The following APIP variants were observed in gnomAD, a reference collection of about 807,000 sequenced individuals.
The protein encoded by APIP is APAF1 interacting protein.
In APIP, 32 loss-of-function variants were observed where a neutral mutation model predicts 32.0. That is an observed-to-expected ratio of 1.00 (90% CI 0.76 to 1.34). APIP has a LOEUF of 1.34. Ranked by LOEUF, APIP falls within the 40% of genes most tolerant of loss-of-function variation. The pLI, the probability that APIP is intolerant of heterozygous loss-of-function variation, is 0.00. For missense variants in APIP, 247 were observed against 298.6 expected, an observed-to-expected ratio of 0.83 and a Z score of 1.27; for synonymous variants, 92 against 94.8, an observed-to-expected ratio of 0.97 and a Z score of 0.17.
intron 1 of APIP, among the ~76,000 whole-genome samples, chr11:34,903,973 G>T (rs1258336113): frequency 6.6e-6 from 1 of 152,136 alleles, no homozygotes; most frequent in East Asian, 1.9e-4. Context: ...ACCAAAAACA[G>T]TCAAGCAAGT....
At chr11:34,910,866 A>G (rs1565140800) in intron 1 of APIP, among the ~76,000 whole-genome samples, 2 of 152,126 alleles carry the variant, frequency 1.3e-5, no homozygotes, top group Non-Finnish European at 2.9e-5. Flanking sequence ...TAACCTTTAC[A>G]TTATACTGCA....
Position 34,903,082 on chromosome 11 carries a change from T to C in APIP, c.58-7972A>G, listed in dbSNP as rs566592835. ...GGGAGCCTTTGGGCTAACAGCCGAC[T>C]CCTTACATATCAGGCCCTGCTGTTA... On this transcript the variant is annotated intron_variant, in intron 1 of 6. Transcript: ENST00000395787. 7.2e-4 allele frequency among the ~76,000 whole-genome samples: 110 copies of C among 152,376 alleles called. 1 individual carries two copies. The highest frequency in any genetic ancestry group is 2.6e-3 in the African/African-American group (107 of 41,588).
intron 1 of APIP, among the ~76,000 whole-genome samples, chr11:34,899,226 T>A (rs1450195382): frequency 6.6e-6 from 1 of 152,204 alleles, no homozygotes; most frequent in Admixed American, 6.5e-5. Context: ...GAAATCTTCA[T>A]GAGGCACATT....
At chr11:34,891,218 T>C (rs1488529009) in intron 2 of APIP, among the ~76,000 whole-genome samples, 1 of 151,668 alleles carries the variant, frequency 6.6e-6, no homozygotes, top group Non-Finnish European at 1.5e-5. Context: ...TACAGGATGT[T>C]GGACTAAGGG....
At position 34,890,174 on chromosome 11, in the gene APIP, T is replaced by C. The variant is rs148275867; in HGVS notation, c.207+330A>G. On this transcript the variant is annotated intron_variant, in intron 3 of 6. Coordinates refer to ENST00000395787, the MANE Select transcript of APIP (RefSeq NM_015957.4). ...AGGAAATATGAATTAATTTGGTTCA[T>C]CTGAGACCATCAATCTGATTATTCC... Among the ~76,000 whole-genome samples, 150 of 152,266 alleles carry C rather than the reference T, an allele frequency of 9.9e-4. 4 individuals carry two copies. The East Asian group carries it at 0.026, about 27-fold the overall frequency.
intron 1 of APIP, among the ~76,000 whole-genome samples, chr11:34,898,943 C>T (rs1298161441): frequency 1.3e-5 from 2 of 151,938 alleles, no homozygotes; most frequent in African/African-American, 4.8e-5. Flanking sequence ...GGACTACAGG[C>T]GCCCGCCACC....
chr11:34,890,421 G>T, intron 3 of APIP, 83 bp downstream of exon 3: 1 of 1,332,554 alleles, frequency 7.5e-7, no homozygotes, highest in Non-Finnish European at 1.0e-6. Context: ...TAAAATGAAT[G>T]TTTTCTCTTA....
At chr11:34,886,985 T>G (rs1054851583) in intron 5 of APIP, among the ~76,000 whole-genome samples, 4 of 152,150 alleles carry the variant, frequency 2.6e-5, no homozygotes, top group Non-Finnish European at 4.4e-5. Context: ...AAGATAAACT[T>G]AAAAAAATAC....
intron 1 of APIP, chr11:34,896,765 G>A (rs2133912697): frequency 1.6e-6 from 2 of 1,279,366 alleles, no homozygotes; most frequent in South Asian, 1.2e-5. Flanking sequence ...GACTACCTGG[G>A]AGAGAAGTGA....
In APIP at chr11:34,883,380, C is replaced by T. The variant is rs533430185; in HGVS notation, c.586G>A (p.Gly196Arg). 1.2e-6 allele frequency: 2 copies of T among 1,613,572 alleles called. No homozygotes were observed. The highest frequency in any genetic ancestry group is 2.2e-5 in the South Asian group (2 of 91,026). The change falls in exon 6 of 7, where the codon GGA becomes AGA. Residue 196 changes from glycine (G) to arginine (R), a missense_variant. By Grantham distance (125) the Gly-to-Arg change is moderately radical. Coordinates refer to ENST00000395787, the MANE Select transcript of APIP (RefSeq NM_015957.4). ...CATGTTTCCCCCCACACATATACTCCATGACGTCTGACCAGTACTGCACAG... is the reference window on the plus strand; with the variant it reads ...CATGTTTCCCCCCACACATATACTCTATGACGTCTGACCAGTACTGCACAG... ...DSCAVLVRRH[G>R]VYVWGETWEK...
intron 1 of APIP, among the ~76,000 whole-genome samples, chr11:34,910,282 T>C (rs1243702374): frequency 6.6e-6 from 1 of 152,228 alleles, no homozygotes; most frequent in Non-Finnish European, 1.5e-5. Flanking sequence ...AAGTAACAAC[T>C]GTTTCAATAG....
chr11:34,901,509 G>A (rs1233465541), intron 1 of APIP, among the ~76,000 whole-genome samples: 1 of 152,062 alleles, frequency 6.6e-6, no homozygotes, highest in East Asian at 1.9e-4. Context: ...TCTGGATACT[G>A]GAGCCAGTCT....
At position 34,890,543 on chromosome 11, in the gene APIP, G is replaced by T; in HGVS notation, c.168C>A (p.Ile56=). The T allele has an allele frequency of 1.2e-6, 2 of 1,609,910 alleles. No individual in the cohort carries two copies. Among genetic ancestry groups the T allele is most frequent in the South Asian group, 2.2e-5 (2 of 90,478 alleles). ...GGISLKHGDE[I]YIAPSGVQKE... The stretch of plus-strand genomic sequence containing the variant: ...TTTGCACTCCTGAAGGAGCAATGTA[G>T]ATTTCATCGCTGGCAACACAAAACA... The change falls in exon 3 of 7, where the codon ATC becomes ATA. Residue 56 remains isoleucine, a synonymous_variant. Coordinates refer to ENST00000395787, the MANE Select transcript of APIP (RefSeq NM_015957.4).
At chr11:34,898,069 G>A (rs1853307518) in intron 1 of APIP, among the ~76,000 whole-genome samples, 2 of 152,038 alleles carry the variant, frequency 1.3e-5, no homozygotes, top group African/African-American at 4.8e-5. Context: ...CTAAATTGGT[G>A]CGAGACAAAG....
intron 1 of APIP, among the ~76,000 whole-genome samples, chr11:34,915,373 T>C (rs1853654821): frequency 6.6e-6 from 1 of 152,244 alleles, no homozygotes; most frequent in Non-Finnish European, 1.5e-5. Flanking sequence ...GACAAATGTT[T>C]AGCAATGAAA....
intron 1 of APIP, among the ~76,000 whole-genome samples, chr11:34,913,410 CAG>C (rs1264512330): frequency 1.3e-5 from 2 of 152,020 alleles, no homozygotes; most frequent in African/African-American, 2.4e-5. Flanking sequence ...TTCAGATGTT[CAG>C]AGTTTCTTCC....
intron 3 of APIP, among the ~76,000 whole-genome samples, chr11:34,889,424 A>G (rs1484950514): frequency 6.6e-6 from 1 of 152,102 alleles, no homozygotes; most frequent in Non-Finnish European, 1.5e-5. Context: ...GTTAATCTCA[A>G]TAAGGTATAT....
At chr11:34,883,696 G>A (rs1853011698) in intron 5 of APIP, among the ~76,000 whole-genome samples, 192 bp from the exon 6 acceptor site, 1 of 152,146 alleles carries the variant, frequency 6.6e-6, no homozygotes, top group African/African-American at 2.4e-5. Flanking sequence ...GGTACCTTGG[G>A]AATGTGGCAG....
At chr11:34,916,036 G>T in intron 1 of APIP, 192 bp downstream of exon 1, 1 of 699,238 alleles carries the variant, frequency 1.4e-6, no homozygotes, top group Non-Finnish European at 2.3e-6. Flanking sequence ...CGAGACCACT[G>T]ATCTCCTGGG....
Sources: allele counts gnomAD v4.1 joint callset (sites outside exome capture counted in the v4.1 genomes callset), GRCh38; gene constraint gnomAD v4.1.1; transcripts MANE v1.5; gene names NCBI Gene and HGNC (gene_info 2026-07-23, HGNC 2026-07-21).